KLHL17: variants seen among roughly 807,000 people sequenced by gnomAD.
The protein encoded by KLHL17 is kelch like family member 17, also known as kelch-like protein 17.
Under a neutral mutation model 64.6 loss-of-function variants are expected in KLHL17, and 71 were observed. That is an observed-to-expected ratio of 1.10 (90% CI 0.91 to 1.34). KLHL17 has a LOEUF of 1.34. Among genes scored for constraint, KLHL17 ranks in the 40% most tolerant of loss-of-function variants. KLHL17 has a pLI of 0.00. For missense variants in KLHL17, 1,140 were observed against 935.0 expected (o/e 1.22, Z -2.86); for synonymous variants, 612 against 405.4 (o/e 1.51, Z -6.12).
At chr1:963,312 A>C (rs1451011232) in intron 7 of KLHL17, 25 bp from the exon 8 acceptor site, 1 of 1,602,242 alleles carries the variant, frequency 6.2e-7, no homozygotes, top group Non-Finnish European at 8.5e-7. Flanking sequence ...GCCAGTCTTG[A>C]CCTGCAGTGG....
Position 964,396 on chromosome 1 carries a change from AG to A in KLHL17, c.1567del (p.Ala523ArgfsTer25). Reference sequence around the variant, plus strand: ...CGTCCATGCTGAGCCGACGCAGCTCAGCGGGCGTGGCCGTGCTGGAGGGTGC... The same window carrying A: ...CGTCCATGCTGAGCCGACGCAGCTCACGGGCGTGGCCGTGCTGGAGGGTGC... The part of the protein sequence containing the change: ...VASMLSRRSS[A>X]GVAVLEGALY... On this transcript the variant is annotated frameshift_variant, in exon 11 of 12. Coordinates refer to ENST00000338591, the MANE Select transcript of KLHL17 (RefSeq NM_198317.3). LOFTEE classifies it high-confidence loss of function. The A allele has an allele frequency of 6.4e-7, 1 of 1,557,492 alleles. No individual in the cohort carries two copies. The highest frequency in any genetic ancestry group is 8.7e-7 in the Non-Finnish European group (1 of 1,151,532).
In KLHL17 at chr1:962,863, A is replaced by G. The variant is rs748415438; in HGVS notation, c.988A>G (p.Ser330Gly). The G allele has an allele frequency of 5.7e-6, 9 of 1,590,054 alleles. No individual in the cohort carries two copies. The highest frequency in any genetic ancestry group is 6.8e-6 in the Non-Finnish European group (8 of 1,172,356). Residue 330 changes from serine to glycine, a missense_variant, in exon 6 of 12, where the codon AGC becomes GGC. Transcript: ENST00000338591. Reference sequence around the variant, plus strand: ...TGAGCAGAGGGGCGTCCTAGGCACCAGCCGCACACGTCCCCGGCGCTGCGA... The same window carrying G: ...TGAGCAGAGGGGCGTCCTAGGCACCGGCCGCACACGTCCCCGGCGCTGCGA... Reference protein sequence around the residue: ...LPEQRGVLGTSRTRPRRCEGA... With the variant: ...LPEQRGVLGTGRTRPRRCEGA...
Position 964,499 on chromosome 1 carries a change from TG to T in KLHL17, c.1672del (p.Glu558LysfsTer6). On this transcript the variant is annotated frameshift_variant, in exon 11 of 12. Transcript: ENST00000338591. LOFTEE classifies it high-confidence loss of function. ...GAGATACAGTCCAAAGGCTGGAGCCTGGGAAAGCGTGGCGCCCATGAATATC... is the reference window on the plus strand; with the variant it reads ...GAGATACAGTCCAAAGGCTGGAGCCTGGAAAGCGTGGCGCCCATGAATATC... ...VERYSPKAGA[W>X]ESVAPMNIRR... is the part of the protein sequence containing the mutation. 1 of 1,526,718 alleles carries T rather than the reference TG, an allele frequency of 6.5e-7. No homozygotes were observed. The highest frequency in any genetic ancestry group is 1.2e-5 in the South Asian group (1 of 82,178). 94.6% of individuals were successfully genotyped at this position (1,526,718 alleles called of 1,614,324 possible). A position where few individuals can be genotyped will look rare whatever the true frequency, so the allele number is the denominator to read the frequency against.
At chr1:961,586 G>T (rs1399032594) in intron 2 of KLHL17, 34 bp downstream of exon 2, 3 of 1,612,720 alleles carry the variant, frequency 1.9e-6, no homozygotes, top group Middle Eastern at 1.6e-4. Flanking sequence ...TGGGGGCTCC[G>T]TGGGTCCCTC....
rs1205786637 is a variant in KLHL17, at chr1:964,389, G to A, written c.1559G>A (p.Arg520His). Residue 520 changes from arginine (R) to histidine (H), a missense_variant, in exon 11 of 12, where the codon CGC becomes CAC. By Grantham distance (29) the Arg-to-His change is conservative. Coordinates refer to ENST00000338591, the MANE Select transcript of KLHL17 (RefSeq NM_198317.3). ...CCCGTGGCGTCCATGCTGAGCCGAC[G>A]CAGCTCAGCGGGCGTGGCCGTGCTG... ...WSPVASMLSR[R>H]SSAGVAVLEG... is the part of the protein sequence containing the mutation. 19 of 1,557,514 alleles carry A rather than the reference G, an allele frequency of 1.2e-5. No homozygotes were observed. Among genetic ancestry groups the A allele is most frequent in the East Asian group, 7.3e-5 (3 of 41,180 alleles).
intron 5 of KLHL17, 113 bp downstream of exon 5, chr1:962,584 C>T (rs956183708): frequency 5.4e-5 from 82 of 1,525,014 alleles, no homozygotes; most frequent in Non-Finnish European, 6.8e-5. Context: ...GGGTGGTGCC[C>T]CCACCTGTCT....
At position 962,231 on chromosome 1, in the gene KLHL17, C is replaced by A. The variant is rs1450577283; in HGVS notation, c.712-124C>A. The stretch of plus-strand genomic sequence containing the variant: ...GCCTCGTCTGTGGCTCCTGACTCTG[C>A]TCGGCCCCTCCCAGTATGAACACTC... On this transcript the variant is annotated intron_variant, in intron 4 of 11. Coordinates refer to ENST00000338591, the MANE Select transcript of KLHL17 (RefSeq NM_198317.3). 2.0e-6 allele frequency: 3 copies of A among 1,499,184 alleles called. No homozygotes were observed. The East Asian group carries it at 7.2e-5, about 36-fold the overall frequency. The allele number at this position is 1,499,184 out of a possible 1,614,324, so 92.9% of individuals were successfully genotyped here. A position where few individuals can be genotyped will look rare whatever the true frequency, so the allele number is the denominator to read the frequency against.
chr1:961,522 T>C lies in KLHL17; in HGVS notation c.337T>C (p.Cys113Arg). 1 of 1,612,610 alleles carries C rather than the reference T, an allele frequency of 6.2e-7. No homozygotes were observed. The highest frequency in any genetic ancestry group is 8.5e-7 in the Non-Finnish European group (1 of 1,179,966). The change falls in exon 2 of 12, where the codon TGC (cysteine) becomes CGC (arginine). Residue 113 changes from cysteine (C) to arginine (R), a missense_variant. Coordinates refer to ENST00000338591, the MANE Select transcript of KLHL17 (RefSeq NM_198317.3). ...IRAHKVVLAS[C>R]SPYFHAMFTN... ...TGCGCACAAAGTGGTGCTGGCCTCCTGCAGCCCCTACTTCCACGCCATGTT... is the reference window on the plus strand; with the variant it reads ...TGCGCACAAAGTGGTGCTGGCCTCCCGCAGCCCCTACTTCCACGCCATGTT...
chr1:964,623 G>C, intron 11 of KLHL17, 93 bp downstream of exon 11: 1 of 927,732 alleles, frequency 1.1e-6, no homozygotes, highest in Admixed American at 5.7e-5. Flanking sequence ...GCTGCGGGGA[G>C]GGGGGCGCGG....
Position 961,623 on chromosome 1 carries a change from C to G in KLHL17, c.368-6C>G. 1 of 1,612,792 alleles carries G rather than the reference C, an allele frequency of 6.2e-7. No homozygotes were observed. Among genetic ancestry groups the G allele is most frequent in the Non-Finnish European group, 8.5e-7 (1 of 1,179,954 alleles). On this transcript the variant is annotated splice_polypyrimidine_tract_variant and splice_region_variant and intron_variant, in intron 2 of 11. Coordinates refer to ENST00000338591, the MANE Select transcript of KLHL17 (RefSeq NM_198317.3). Reference sequence around the variant, plus strand: ...GGTCAGCTCGTGTAACCCGCTGTCCCCGCAGATGAGATGAGCGAGAGCCGC... The same window carrying G: ...GGTCAGCTCGTGTAACCCGCTGTCCGCGCAGATGAGATGAGCGAGAGCCGC...
At chr1:963,562 G>A in intron 8 of KLHL17, 58 bp downstream of exon 8, 1 of 1,535,340 alleles carries the variant, frequency 6.5e-7, no homozygotes, top group East Asian at 2.3e-5. Context: ...AGGCAAGTTT[G>A]TGTCACCATC....
Position 961,291 on chromosome 1 carries a change from A to G in KLHL17, c.108-2A>G. 6.7e-7 allele frequency: 1 copy of G among 1,492,820 alleles called. No homozygotes were observed. The highest frequency in any genetic ancestry group is 1.3e-5 in the South Asian group (1 of 79,086). The allele number at this position is 1,492,820 out of a possible 1,614,324, so 92.5% of individuals were successfully genotyped here. On this transcript the variant is annotated splice_acceptor_variant, in intron 1 of 11. Coordinates refer to ENST00000338591, the MANE Select transcript of KLHL17 (RefSeq NM_198317.3). LOFTEE classifies it high-confidence loss of function. ...GAAGCCTGACCCGCCCGCCTCCTGC[A>G]GCCCCGAGGCAGAGCGCACGCGGCC...
rs751340930 is a variant in KLHL17, at chr1:963,192, T to C, written c.1126T>C (p.Ser376Pro). Residue 376 changes from serine (S) to proline (P), a missense_variant, in exon 7 of 12, where the codon TCC becomes CCC. Physicochemically the swap from Ser to Pro is moderately conservative, Grantham distance 74. Transcript: ENST00000338591. ...TDRWHVVASM[S>P]TRRARVGVAA... The stretch of plus-strand genomic sequence containing the variant: ...CCGCTGGCACGTGGTGGCCTCCATG[T>C]CCACGCGCCGGGCCCGGGTGGGAGT... 3.7e-6 allele frequency: 6 copies of C among 1,608,920 alleles called. No individual in the cohort carries two copies. The highest frequency in any genetic ancestry group is 1.7e-5 in the Admixed American group (1 of 59,872).
chr1:963,604 A>C, intron 8 of KLHL17, 100 bp downstream of exon 8: 1 of 1,369,322 alleles, frequency 7.3e-7, no homozygotes, highest in Non-Finnish European at 9.8e-7. Context: ...GTGTTAAAGG[A>C]GGTGATCCGC....
rs534198695 is a variant in KLHL17 at position 964,177 on chromosome 1, C to T, written c.1515C>T (p.Pro505=). The T allele has an allele frequency of 3.7e-6, 6 of 1,612,638 alleles. No homozygotes were observed. In the South Asian group the frequency reaches 4.4e-5, roughly 12 times the overall value. Residue 505 remains proline (P), a synonymous_variant, in exon 10 of 12, where the codon CCC becomes CCT. Transcript: ENST00000338591. ...SHLATVEKYE[P]QVNVWSPVAS... is the part of the protein sequence containing the mutation. ...TGGCCACTGTGGAGAAGTATGAGCCCCAGGTGCATAGTGCACCCCTCCTGG... is the reference window on the plus strand; with the variant it reads ...TGGCCACTGTGGAGAAGTATGAGCCTCAGGTGCATAGTGCACCCCTCCTGG...
chr1:961,232 C>T, intron 1 of KLHL17, 61 bp from the exon 2 acceptor site: 1 of 1,209,648 alleles, frequency 8.3e-7, no homozygotes, highest in Non-Finnish European at 1.0e-6. Flanking sequence ...GGCCCCCCAG[C>T]GGCTCCAGGG....
chr1:961,873 C>G lies in KLHL17; in HGVS notation c.537C>G (p.Asp179Glu), dbSNP rs370709224. 10 of 1,612,186 alleles carry G rather than the reference C, an allele frequency of 6.2e-6. No individual in the cohort carries two copies. In the Admixed American group the frequency reaches 1.0e-4, roughly 16 times the overall value. Residue 179 changes from aspartate to glutamate, a missense_variant, in exon 4 of 12, where the codon GAC (aspartate) becomes GAG (glutamate). Transcript: ENST00000338591. ...ASLLQLNGVR[D>E]ACCKFLLSQL... is the part of the protein sequence containing the mutation. ...TCCTGCAGCTGAATGGCGTCCGAGA[C>G]GCTTGCTGCAAGTTTCTACTGAGTC...
chr1:960,824 CG>C (rs944633160), intron 1 of KLHL17, 24 bp downstream of exon 1: 19 of 987,980 alleles, frequency 1.9e-5, no homozygotes, highest in African/African-American at 1.6e-4. Context: ...GGTCGGGGCG[CG>C]GGGGGCGGCC....
intron 5 of KLHL17, 102 bp downstream of exon 5, chr1:962,573 G>A: frequency 6.5e-7 from 1 of 1,536,312 alleles, no homozygotes; most frequent in Non-Finnish European, 8.7e-7. Context: ...GGACTCCGTG[G>A]GGGTGGTGCC....
Sources: gnomAD v4.1 joint callset for allele counts on GRCh38, gnomAD v4.1.1 for gene constraint, MANE v1.5 for transcripts, NCBI Gene and HGNC (gene_info 2026-07-23, HGNC 2026-07-21) for gene names.